The following FMO4 variants were observed in gnomAD, a reference collection of about 807,000 sequenced individuals.
FMO4 encodes flavin containing dimethylaniline monoxygenase 4, also known as dimethylaniline monooxygenase [N-oxide-forming] 4.
In FMO4, 38 loss-of-function variants were observed where a neutral mutation model predicts 43.3. That is an observed-to-expected ratio of 0.88 (90% confidence interval 0.68 to 1.15). The LOEUF is 1.15. Ranked by LOEUF, FMO4 falls within the 50% of genes most tolerant of loss-of-function variation. The pLI is 0.00. For missense variants in FMO4, 631 were observed against 663.3 expected (o/e 0.95, Z 0.54); for synonymous variants, 224 against 232.2 (o/e 0.96, Z 0.32).
At chr1:171,329,308 C>T (rs912548966) in intron 5 of FMO4, among the ~76,000 whole-genome samples, 4 of 152,090 alleles carry the variant, frequency 2.6e-5, no homozygotes, top group Non-Finnish European at 5.9e-5. Flanking sequence ...CTGGGGATGT[C>T]TCAACTGTAG....
intron 5 of FMO4, among the ~76,000 whole-genome samples, chr1:171,331,023 T>C (rs1662881011): frequency 6.6e-6 from 1 of 152,180 alleles, no homozygotes; most frequent in African/African-American, 2.4e-5. Context: ...GAATAATTAC[T>C]TCATTTACGA....
chr1:171,335,139 C>T (rs1028921551), intron 8 of FMO4, among the ~76,000 whole-genome samples: 1 of 152,244 alleles, frequency 6.6e-6, no homozygotes, highest in Non-Finnish European at 1.5e-5. Flanking sequence ...ATAATATACA[C>T]TATGAATGAA....
rs921649511 is a variant in FMO4, at chr1:171,319,962, G to A, written c.132+5G>A. On this transcript the variant is annotated splice_donor_5th_base_variant and intron_variant, in intron 3 of 9. Coordinates refer to ENST00000367749, the MANE Select transcript of FMO4 (RefSeq NM_002022.3). The stretch of plus-strand genomic sequence containing the variant: ...GGGGGATTATGGAAGTTTACTGTAC[G>A]TGGTTCATCTCTATCAGTCATGATC... 1.4e-5 allele frequency: 22 copies of A among 1,613,546 alleles called. No individual in the cohort carries two copies. Among genetic ancestry groups the A allele is most frequent in the African/African-American group, 8.0e-5 (6 of 74,896 alleles).
At chr1:171,321,770 G>A (rs1662439517) in intron 3 of FMO4, among the ~76,000 whole-genome samples, 1 of 152,046 alleles carries the variant, frequency 6.6e-6, no homozygotes, top group Admixed American at 6.6e-5. Flanking sequence ...TGATAAACAA[G>A]GTAGACAGGG....
chr1:171,332,457 A>C (rs1464853344), intron 6 of FMO4, among the ~76,000 whole-genome samples: 4 of 152,200 alleles, frequency 2.6e-5, no homozygotes, highest in Non-Finnish European at 5.9e-5. Flanking sequence ...GTATCTACAA[A>C]TATTATACTT....
At chr1:171,335,469 G>C (rs1374101854) in intron 8 of FMO4, among the ~76,000 whole-genome samples, 2 of 152,248 alleles carry the variant, frequency 1.3e-5, no homozygotes, top group African/African-American at 4.8e-5. Flanking sequence ...CTCTAAAGCA[G>C]GGCAAATTTT....
At chr1:171,339,719 A>T (rs1663282711) in intron 9 of FMO4, among the ~76,000 whole-genome samples, 1 of 152,212 alleles carries the variant, frequency 6.6e-6, no homozygotes, top group Non-Finnish European at 1.5e-5. Flanking sequence ...AAGGTAGTAG[A>T]GTCAAAGAAG....
intron 5 of FMO4, among the ~76,000 whole-genome samples, chr1:171,325,754 C>T (rs1450515308): frequency 2.3e-5 from 3 of 131,818 alleles, no homozygotes; most frequent in African/African-American, 5.6e-5. Flanking sequence ...GGAATTTATT[C>T]TCTTCAAGTT....
Position 171,332,735 on chromosome 1 carries a change from C to G in FMO4, c.654C>G (p.Thr218=), listed in dbSNP as rs752791727. ...TACTTCTCAGTACTAGAACTGGTAC[C>G]TGGGTTCTTGGGCGCTCTTCAGATT... ...AQVLLSTRTG[T]WVLGRSSDWG... Residue 218 remains threonine, a synonymous_variant, in exon 7 of 10, where the codon ACC becomes ACG. Coordinates refer to ENST00000367749, the MANE Select transcript of FMO4 (RefSeq NM_002022.3). 6.2e-7 allele frequency: 1 copy of G among 1,610,428 alleles called. No individual in the cohort carries two copies.
At chr1:171,328,838 C>T (rs531780528) in intron 5 of FMO4, among the ~76,000 whole-genome samples, 4 of 152,166 alleles carry the variant, frequency 2.6e-5, no homozygotes, top group East Asian at 1.9e-4. Context: ...CTTGTCCTTC[C>T]GTTGCCCCTG....
intron 2 of FMO4, among the ~76,000 whole-genome samples, chr1:171,316,578 G>A (rs1390757659): frequency 6.6e-6 from 1 of 152,130 alleles, no homozygotes; most frequent in African/African-American, 2.4e-5. Flanking sequence ...CGGTTGCTCA[G>A]GGTCATATGG....
intron 7 of FMO4, among the ~76,000 whole-genome samples, chr1:171,334,031 T>A (rs563468978): frequency 6.6e-6 from 1 of 152,164 alleles, no homozygotes; most frequent in Non-Finnish European, 1.5e-5. Context: ...TCCTTGCTAA[T>A]TTCCTGTCTG....
intron 9 of FMO4, among the ~76,000 whole-genome samples, chr1:171,338,313 C>T (rs763063612): frequency 7.9e-5 from 12 of 152,146 alleles, no homozygotes; most frequent in Admixed American, 2.0e-4. Flanking sequence ...TGGTCTCCCT[C>T]CTTCCACTCT....
chr1:171,332,736 T>C lies in FMO4; in HGVS notation c.655T>C (p.Trp219Arg). The C allele has an allele frequency of 1.2e-6, 2 of 1,610,386 alleles. No individual in the cohort carries two copies. Among genetic ancestry groups the C allele is most frequent in the East Asian group, 4.5e-5 (2 of 44,790 alleles). The part of the protein sequence containing the change: ...QVLLSTRTGT[W>R]VLGRSSDWGY... Reference sequence around the variant, plus strand: ...ACTTCTCAGTACTAGAACTGGTACCTGGGTTCTTGGGCGCTCTTCAGATTG... The same window carrying C: ...ACTTCTCAGTACTAGAACTGGTACCCGGGTTCTTGGGCGCTCTTCAGATTG... The change falls in exon 7 of 10, where the codon TGG (tryptophan) becomes CGG (arginine). Residue 219 changes from tryptophan to arginine, a missense_variant. Physicochemically the swap from Trp to Arg is moderately radical, Grantham distance 101. Transcript: ENST00000367749.
chr1:171,339,140 G>A (rs1258233316), intron 9 of FMO4, among the ~76,000 whole-genome samples: 2 of 152,158 alleles, frequency 1.3e-5, no homozygotes, highest in Non-Finnish European at 2.9e-5. Context: ...CGTACACCAA[G>A]TATGGCCTTC....
intron 4 of FMO4, among the ~76,000 whole-genome samples, 182 bp downstream of exon 4, chr1:171,323,374 T>C (rs898522011): frequency 6.6e-6 from 1 of 152,124 alleles, no homozygotes; most frequent in African/African-American, 2.4e-5. Context: ...GTTAAAATAC[T>C]GAATTGGGGA....
At chr1:171,316,986 C>T (rs1173812782) in intron 2 of FMO4, among the ~76,000 whole-genome samples, 1 of 152,126 alleles carries the variant, frequency 6.6e-6, no homozygotes, top group Non-Finnish European at 1.5e-5. Flanking sequence ...GAGAAAAACT[C>T]CAAGCCCATC....
At position 171,324,059 on chromosome 1, in the gene FMO4, C is replaced by T. The variant is rs1401804678; in HGVS notation, c.322-79C>T. 5 of 1,326,916 alleles carry T rather than the reference C, an allele frequency of 3.8e-6. No individual in the cohort carries two copies. The African/African-American group carries it at 7.4e-5, about 20-fold the overall frequency. 82.2% of individuals were successfully genotyped at this position (1,326,916 alleles called of 1,614,324 possible). Reference sequence around the variant, plus strand: ...ATGGGACTTGGCCTACTAAAAGTAACAGACATGGTTACCACACCAGTCATT... The same window carrying T: ...ATGGGACTTGGCCTACTAAAAGTAATAGACATGGTTACCACACCAGTCATT... On this transcript the variant is annotated intron_variant, in intron 4 of 9. Transcript: ENST00000367749.
rs1553251264 is a variant in FMO4, at chr1:171,314,338, T to TTA, written c.-226_-225insTA. On this transcript the variant is annotated 5_prime_UTR_variant, in exon 1 of 10. Coordinates refer to ENST00000367749, the MANE Select transcript of FMO4 (RefSeq NM_002022.3). ...AAAGAATTTGGGTTTTGAGCTTTTTTAAAAAAAAAAGACAAACACTTTCCT... is the reference window on the plus strand; with the variant it reads ...AAAGAATTTGGGTTTTGAGCTTTTTTTAAAAAAAAAAAGACAAACACTTTCCT... 10 of 149,886 alleles carry TTA rather than the reference T, an allele frequency of 6.7e-5. No homozygotes were observed. Among genetic ancestry groups the TTA allele is most frequent in the African/African-American group, 2.4e-4 (10 of 40,974 alleles). 9.3% of individuals were successfully genotyped at this position (149,886 alleles called of 1,614,324 possible). A position where few individuals can be genotyped will look rare whatever the true frequency, so the allele number is the denominator to read the frequency against.
Sources: allele counts gnomAD v4.1 joint callset (sites outside exome capture counted in the v4.1 genomes callset), GRCh38; gene constraint gnomAD v4.1.1; transcripts MANE v1.5; gene names NCBI Gene and HGNC (gene_info 2026-07-23, HGNC 2026-07-21).